FOXO3: variants seen among roughly 807,000 people sequenced by gnomAD.
The protein encoded by FOXO3 is forkhead box protein O3.
FOXO3 carries 4 observed loss-of-function variants against 41.9 expected under a neutral mutation model. That is an observed-to-expected ratio of 0.10 (90% CI 0.05 to 0.22). The LOEUF is 0.22. Among genes scored for constraint, FOXO3 ranks in the 10% least tolerant of loss-of-function variants. FOXO3 has a pLI of 1.00. For synonymous variants in FOXO3, 318 were observed against 389.3 expected, an observed-to-expected ratio of 0.82 and a Z score of 2.16; for missense variants, 534 against 906.8, an observed-to-expected ratio of 0.59 and a Z score of 5.28.
intron 2 of FOXO3, among the ~76,000 whole-genome samples, chr6:108,666,332 C>CT (rs1353954958): frequency 6.7e-6 from 1 of 149,942 alleles, no homozygotes; most frequent in Non-Finnish European, 1.5e-5. Flanking sequence ...CTTTTTTTTT[C>CT]TTTTTCTTTT....
chr6:108,560,949 G>T lies in FOXO3; in HGVS notation c.-260G>T. ...GCTGCGCCAGGTTCGCTGGCCGCAC[G>T]TCTTCAGGTCCTCCTGTTCCTGGGA... On this transcript the variant is annotated 5_prime_UTR_variant, in exon 1 of 3. Transcript: ENST00000406360. 1 of 1,305,956 alleles carries T rather than the reference G, an allele frequency of 7.7e-7. No individual in the cohort carries two copies. The highest frequency in any genetic ancestry group is 9.7e-7 in the Non-Finnish European group (1 of 1,031,488). The allele number at this position is 1,305,956 out of a possible 1,614,324, so 80.9% of individuals were successfully genotyped here.
intron 1 of FOXO3, among the ~76,000 whole-genome samples, chr6:108,628,631 G>A (rs73519951): frequency 0.02 from 3,012 of 152,302 alleles, 115 homozygotes; most frequent in African/African-American, 0.069. Context: ...TCCAGTTGCT[G>A]AATCCAGGAC....
chr6:108,580,174 C>G (rs1776368132), intron 1 of FOXO3, among the ~76,000 whole-genome samples: 1 of 140,666 alleles, frequency 7.1e-6, no homozygotes, highest in Non-Finnish European at 1.5e-5. Flanking sequence ...TGAGTATTAG[C>G]TCTTCTTCAT....
chr6:108,657,191 C>T (rs1379892496), intron 1 of FOXO3, among the ~76,000 whole-genome samples: 2 of 152,224 alleles, frequency 1.3e-5, no homozygotes, highest in African/African-American at 2.4e-5. Flanking sequence ...TACCACTGCA[C>T]TCTCTTTAGA....
At chr6:108,633,860 A>G (rs987809270) in intron 1 of FOXO3, among the ~76,000 whole-genome samples, 3 of 151,980 alleles carry the variant, frequency 2.0e-5, no homozygotes, top group African/African-American at 7.2e-5. Context: ...AAAAAAAGTT[A>G]AAAAGCTGAG....
chr6:108,616,590 C>T (rs1026401689), intron 1 of FOXO3, among the ~76,000 whole-genome samples: 2 of 152,166 alleles, frequency 1.3e-5, no homozygotes, highest in African/African-American at 2.4e-5. Flanking sequence ...AGCCACTGCG[C>T]CCAGCCATAT....
intron 1 of FOXO3, among the ~76,000 whole-genome samples, chr6:108,571,695 C>G (rs1424473809): frequency 1.3e-5 from 2 of 152,172 alleles, no homozygotes; most frequent in African/African-American, 4.8e-5. Context: ...AGAGCCTTCC[C>G]AGGGAGCATG....
At chr6:108,619,040 A>G (rs1412522766) in intron 1 of FOXO3, among the ~76,000 whole-genome samples, 2 of 152,218 alleles carry the variant, frequency 1.3e-5, no homozygotes, top group Non-Finnish European at 2.9e-5. Flanking sequence ...ATTAAGTCCT[A>G]TACTGCCTGT....
rs143113152 is a variant in FOXO3, at chr6:108,654,592, CT to C, written c.622-8862del. Reference sequence around the variant, plus strand: ...GGGACCAGAACCTGTCGCTTGCTTGCTGCTTGAAAACTTAAATGTTAGTTTC... The same window carrying C: ...GGGACCAGAACCTGTCGCTTGCTTGCGCTTGAAAACTTAAATGTTAGTTTC... On this transcript the variant is annotated intron_variant, in intron 1 of 2. Transcript: ENST00000406360. Among the ~76,000 whole-genome samples the C allele has an allele frequency of 9.7e-3, 1,469 of 152,208 alleles. 25 individuals are homozygous for C. The highest frequency in any genetic ancestry group is 0.034 in the African/African-American group (1,400 of 41,530).
At chr6:108,588,925 A>G (rs1023498933) in intron 1 of FOXO3, among the ~76,000 whole-genome samples, 1 of 152,210 alleles carries the variant, frequency 6.6e-6, no homozygotes, top group Non-Finnish European at 1.5e-5. Flanking sequence ...GAATACTTAC[A>G]CTTTTTGATG....
At chr6:108,619,703 C>T (rs572804296) in intron 1 of FOXO3, among the ~76,000 whole-genome samples, 1 of 152,098 alleles carries the variant, frequency 6.6e-6, no homozygotes, top group Non-Finnish European at 1.5e-5. Context: ...CCATGCTTGC[C>T]CCACTTTTGA....
At chr6:108,605,124 T>C (rs1399538696) in intron 1 of FOXO3, among the ~76,000 whole-genome samples, 1 of 124,456 alleles carries the variant, frequency 8.0e-6, no homozygotes, top group Non-Finnish European at 1.7e-5. Flanking sequence ...CTAACTTTTC[T>C]TTTTTTTTCC....
At chr6:108,625,637 G>A (rs1010546743) in intron 1 of FOXO3, among the ~76,000 whole-genome samples, 2 of 152,190 alleles carry the variant, frequency 1.3e-5, no homozygotes, top group African/African-American at 2.4e-5. Context: ...TCTAAGCTCT[G>A]CTGCCTGTGT....
chr6:108,628,534 T>A (rs1389319733), intron 1 of FOXO3, among the ~76,000 whole-genome samples: 12 of 152,084 alleles, frequency 7.9e-5, no homozygotes, highest in Admixed American at 7.9e-4. Context: ...GGTGGTTGTT[T>A]GAAAGAAGTG....
At chr6:108,642,868 G>A (rs754881851) in intron 1 of FOXO3, among the ~76,000 whole-genome samples, 9 of 152,178 alleles carry the variant, frequency 5.9e-5, no homozygotes, top group Non-Finnish European at 1.0e-4. Context: ...TGTCCAGTTA[G>A]TGGTTCCATA....
At chr6:108,662,382 C>T (rs1262774019) in intron 1 of FOXO3, among the ~76,000 whole-genome samples, 1 of 152,172 alleles carries the variant, frequency 6.6e-6, no homozygotes, top group Non-Finnish European at 1.5e-5. Context: ...TGCTCTTTTC[C>T]CCCCTTTTCA....
chr6:108,616,599 A>G (rs1777521550), intron 1 of FOXO3, among the ~76,000 whole-genome samples: 1 of 152,140 alleles, frequency 6.6e-6, no homozygotes, highest in Non-Finnish European at 1.5e-5. Context: ...GCCCAGCCAT[A>G]TTTATAACTT....
chr6:108,581,906 A>C (rs1453600615), intron 1 of FOXO3, among the ~76,000 whole-genome samples: 1 of 152,228 alleles, frequency 6.6e-6, no homozygotes, highest in Non-Finnish European at 1.5e-5. Context: ...CTTTGTTTAA[A>C]AAAACTTGGT....
Position 108,613,191 on chromosome 6 carries a change from A to G in FOXO3, c.622-50264A>G, listed in dbSNP as rs187579171. 4.5e-4 allele frequency among the ~76,000 whole-genome samples: 68 copies of G among 152,342 alleles called. 1 individual carries two copies. In the East Asian group the frequency reaches 0.011, roughly 24 times the overall value. ...TTTTGTGTCTGTCTTCATGAGGAATATTGATCTATACATTTCTTATAATAT... is the reference window on the plus strand; with the variant it reads ...TTTTGTGTCTGTCTTCATGAGGAATGTTGATCTATACATTTCTTATAATAT... On this transcript the variant is annotated intron_variant, in intron 1 of 2. Coordinates refer to ENST00000406360, the MANE Select transcript of FOXO3 (RefSeq NM_001455.4).
Sources: allele counts gnomAD v4.1 joint callset (sites outside exome capture counted in the v4.1 genomes callset), GRCh38; gene constraint gnomAD v4.1.1; transcripts MANE v1.5; gene names NCBI Gene and HGNC (gene_info 2026-07-23, HGNC 2026-07-21).